Variants in SPAG16 observed in about 807,000 individuals in gnomAD.
SPAG16 encodes sperm associated antigen 16.
SPAG16 carries 86 observed loss-of-function variants against 80.4 expected under a neutral mutation model. That is an observed-to-expected ratio of 1.07 (90% CI 0.90 to 1.28). The LOEUF is 1.28. Ranked by LOEUF, SPAG16 falls within the 50% of genes most tolerant of loss-of-function variation. The probability of loss-of-function intolerance (pLI) is 0.00; values close to 1 mark genes in which losing one functional copy is unlikely to be tolerated. For synonymous variants in SPAG16, 294 were observed against 265.9 expected (o/e 1.11, Z -1.03); for missense variants, 870 against 765.3 (o/e 1.14, Z -1.61).
intron 9 of SPAG16, among the ~76,000 whole-genome samples, chr2:213,398,672 G>T: frequency 6.6e-6 from 1 of 152,016 alleles, no homozygotes; most frequent in East Asian, 1.9e-4. Context: ...TTTTAATGCT[G>T]CCTCTAATTC....
intron 10 of SPAG16, among the ~76,000 whole-genome samples, chr2:213,701,901 G>A (rs1484545912): frequency 1.3e-5 from 2 of 152,116 alleles, no homozygotes; most frequent in African/African-American, 2.4e-5. Context: ...CTCAAGGTTT[G>A]TAAATGCACC....
At chr2:214,104,297 A>G (rs2053252945) in intron 13 of SPAG16, among the ~76,000 whole-genome samples, 1 of 152,208 alleles carries the variant, frequency 6.6e-6, no homozygotes, top group Admixed American at 6.5e-5. Context: ...AGACACAGGC[A>G]GAGAGTTTGG....
chr2:213,677,099 G>T (rs2064122992), intron 10 of SPAG16, among the ~76,000 whole-genome samples: 2 of 151,994 alleles, frequency 1.3e-5, no homozygotes, highest in South Asian at 4.1e-4. Flanking sequence ...CTTCTTCCTG[G>T]TTTAGTCTTG....
At chr2:214,022,224 A>T (rs1415418275) in intron 13 of SPAG16, among the ~76,000 whole-genome samples, 2 of 151,406 alleles carry the variant, frequency 1.3e-5, no homozygotes, top group Non-Finnish European at 2.9e-5. Context: ...CTACAAGAAG[A>T]TATGCTTGAA....
intron 15 of SPAG16, among the ~76,000 whole-genome samples, chr2:214,234,045 C>T (rs1688895932): frequency 6.7e-6 from 1 of 148,836 alleles, no homozygotes. Flanking sequence ...CCACCTGCCA[C>T]CTTTCAATAG....
At chr2:214,221,275 A>G (rs912520595) in intron 15 of SPAG16, among the ~76,000 whole-genome samples, 1 of 151,834 alleles carries the variant, frequency 6.6e-6, no homozygotes, top group African/African-American at 2.4e-5. Flanking sequence ...TTACTTTTAA[A>G]TGTAGTTTTT....
chr2:213,616,442 AAAC>A (rs1179135383), intron 10 of SPAG16, among the ~76,000 whole-genome samples: 11 of 152,354 alleles, frequency 7.2e-5, no homozygotes, highest in Admixed American at 6.5e-4. Context: ...GCGAGAAAAC[AAAC>A]AACAACAAGC....
chr2:214,028,237 C>T (rs2048234115), intron 13 of SPAG16, among the ~76,000 whole-genome samples: 1 of 151,956 alleles, frequency 6.6e-6, no homozygotes, highest in Non-Finnish European at 1.5e-5. Context: ...GATGAAATGA[C>T]ATAGAATAAC....
chr2:213,556,814 G>A (rs1439364829), intron 10 of SPAG16, among the ~76,000 whole-genome samples: 2 of 152,086 alleles, frequency 1.3e-5, no homozygotes, highest in African/African-American at 2.4e-5. Flanking sequence ...AGGGAACATG[G>A]AACATTCCCC....
At chr2:214,114,054 T>C (rs1285421158) in intron 14 of SPAG16, among the ~76,000 whole-genome samples, 1 of 152,190 alleles carries the variant, frequency 6.6e-6, no homozygotes, top group Non-Finnish European at 1.5e-5. Context: ...CCTTTCTGTT[T>C]GTTATTTTTC....
chr2:213,451,571 G>A (rs960946719), intron 9 of SPAG16, among the ~76,000 whole-genome samples: 2 of 152,118 alleles, frequency 1.3e-5, no homozygotes, highest in Admixed American at 6.5e-5. Flanking sequence ...AGACTCAGAC[G>A]CACACACGCA....
chr2:213,531,219 G>A (rs975251318), intron 10 of SPAG16, among the ~76,000 whole-genome samples: 3 of 152,166 alleles, frequency 2.0e-5, no homozygotes, highest in African/African-American at 4.8e-5. Flanking sequence ...TCATAGATGT[G>A]CAATGTGCTC....
intron 10 of SPAG16, among the ~76,000 whole-genome samples, chr2:213,668,672 C>T (rs781619008): frequency 6.6e-6 from 1 of 151,974 alleles, no homozygotes; most frequent in Non-Finnish European, 1.5e-5. Flanking sequence ...TGGAGTCTTG[C>T]TCTGTCACCC....
intron 10 of SPAG16, among the ~76,000 whole-genome samples, chr2:213,702,400 C>T (rs575782863): frequency 5.3e-5 from 8 of 152,202 alleles, no homozygotes; most frequent in East Asian, 1.9e-4. Context: ...GTCCATGCAG[C>T]ATTTATGAGC....
chr2:213,307,563 C>A (rs10221802), intron 3 of SPAG16, among the ~76,000 whole-genome samples: 30,966 of 142,616 alleles, frequency 0.22, 4,121 homozygotes, highest in Non-Finnish European at 0.31. Flanking sequence ...GCATAGTATT[C>A]CATGGTGTAT....
Position 214,130,988 on chromosome 2 carries a change from A to T in SPAG16, c.1594-18152A>T, listed in dbSNP as rs376045357. 2.0e-5 allele frequency among the ~76,000 whole-genome samples: 3 copies of T among 152,150 alleles called. No homozygotes were observed. The South Asian group carries it at 6.2e-4, about 32-fold the overall frequency. On this transcript the variant is annotated intron_variant, in intron 14 of 15. Transcript: ENST00000331683. ...ACCTTCAGAAATCCACTAATTTTGC[A>T]TCGTATTTGGCAGCCAGGAAGTTGG... is the stretch of plus-strand genomic sequence containing the variant.
At chr2:213,875,396 C>T (rs13416548) in intron 11 of SPAG16, among the ~76,000 whole-genome samples, 51,771 of 151,642 alleles carry the variant, frequency 0.34, 9,297 homozygotes, top group South Asian at 0.47. Context: ...TCTGAAGAAG[C>T]GAAAAGGGAT....
chr2:213,453,951 C>T (rs188542590), intron 9 of SPAG16, among the ~76,000 whole-genome samples: 4 of 152,290 alleles, frequency 2.6e-5, no homozygotes, highest in Non-Finnish European at 5.9e-5. Context: ...AATTTATTCT[C>T]ATTCTCTTTC....
chr2:213,556,667 C>T (rs1212992500), intron 10 of SPAG16, among the ~76,000 whole-genome samples: 2 of 152,060 alleles, frequency 1.3e-5, no homozygotes, highest in African/African-American at 2.4e-5. Context: ...ATCCAACTTT[C>T]AACAAAGAAT....
Sources: gnomAD v4.1 joint callset for allele counts (sites outside exome capture counted in the v4.1 genomes callset) on GRCh38, gnomAD v4.1.1 for gene constraint, MANE v1.5 for transcripts, NCBI Gene and HGNC (gene_info 2026-07-23, HGNC 2026-07-21) for gene names.